CCDC178: variants seen among roughly 807,000 people sequenced by gnomAD.
CCDC178 encodes coiled-coil domain-containing protein 178.
CCDC178 carries 126 observed loss-of-function variants against 117.4 expected under a neutral mutation model. The observed-to-expected ratio is 1.07, with a 90% CI of 0.93 to 1.24. The LOEUF is 1.24. CCDC178 is among the 50% of genes most tolerant of loss of function. The pLI is 0.00. For synonymous variants in CCDC178, 283 were observed against 313.4 expected (o/e 0.90, Z 1.02); for missense variants, 1,030 against 986.9 (o/e 1.04, Z -0.59).
intron 16 of CCDC178, 126 bp from the exon 17 acceptor site, chr18:33,225,062 A>T: frequency 2.2e-6 from 1 of 462,046 alleles, no homozygotes; most frequent in Non-Finnish European, 3.5e-6. Flanking sequence ...AAATGTCACC[A>T]TAAAAAATGG....
chr18:32,960,461 G>GA (rs1312555099), intron 22 of CCDC178, among the ~76,000 whole-genome samples: 1 of 151,904 alleles, frequency 6.6e-6, no homozygotes, highest in African/African-American at 2.4e-5. Flanking sequence ...GTCAATATTT[G>GA]AAAAAAATAG....
chr18:33,350,709 A>G (rs931709214), intron 7 of CCDC178, among the ~76,000 whole-genome samples: 4 of 152,094 alleles, frequency 2.6e-5, no homozygotes, highest in African/African-American at 7.2e-5. Context: ...CCTTTTGGCT[A>G]TTGTGAATAT....
chr18:33,286,927 A>T (rs1411280370), intron 12 of CCDC178, among the ~76,000 whole-genome samples: 2 of 152,198 alleles, frequency 1.3e-5, no homozygotes, highest in Non-Finnish European at 2.9e-5. Flanking sequence ...GGGAGTAGAC[A>T]ATAAACATGG....
intron 11 of CCDC178, among the ~76,000 whole-genome samples, chr18:33,299,651 T>C (rs181143906): frequency 1.1e-3 from 169 of 151,958 alleles, no homozygotes; most frequent in African/African-American, 4.0e-3. Context: ...AAAAAGCTTC[T>C]GCACAGCAAA....
chr18:33,087,764 C>G (rs2057403096), intron 21 of CCDC178, among the ~76,000 whole-genome samples: 1 of 152,104 alleles, frequency 6.6e-6, no homozygotes, highest in African/African-American at 2.4e-5. Flanking sequence ...TATCAAAGCA[C>G]AGTTATATGG....
intron 20 of CCDC178, among the ~76,000 whole-genome samples, chr18:33,159,735 G>T (rs147316020): frequency 6.6e-6 from 1 of 152,036 alleles, no homozygotes; most frequent in Admixed American, 6.6e-5. Context: ...TGGTGATTAG[G>T]ATGCAGATAT....
At chr18:33,256,163 G>A (rs2059677470) in intron 14 of CCDC178, among the ~76,000 whole-genome samples, 1 of 152,036 alleles carries the variant, frequency 6.6e-6, no homozygotes. Flanking sequence ...TGCTAACTAT[G>A]TGTAATTTTT....
chr18:33,389,423 CAATT>C (rs1399334623), intron 5 of CCDC178, 113 bp downstream of exon 5: 1 of 399,198 alleles, frequency 2.5e-6, no homozygotes, highest in Non-Finnish European at 4.4e-6. Context: ...ACTATGTTAA[CAATT>C]AACGATATGT....
At chr18:33,035,909 T>C (rs1487700781) in intron 21 of CCDC178, among the ~76,000 whole-genome samples, 1 of 152,064 alleles carries the variant, frequency 6.6e-6, no homozygotes, top group African/African-American at 2.4e-5. Context: ...CTGACTTTTT[T>C]TAGTTTGATT....
At chr18:33,050,195 G>A (rs1598828140) in intron 21 of CCDC178, among the ~76,000 whole-genome samples, 1 of 152,170 alleles carries the variant, frequency 6.6e-6, no homozygotes, top group South Asian at 2.1e-4. Context: ...GCCTCTGTGG[G>A]AACATTATTT....
intron 22 of CCDC178, among the ~76,000 whole-genome samples, chr18:32,967,830 T>G: frequency 6.6e-6 from 1 of 151,644 alleles, no homozygotes; most frequent in East Asian, 1.9e-4. Flanking sequence ...CTAATTTAAT[T>G]GTGTTTGTAA....
chr18:33,283,004 G>A (rs1337128412), intron 12 of CCDC178, among the ~76,000 whole-genome samples: 2 of 152,118 alleles, frequency 1.3e-5, no homozygotes, highest in Admixed American at 6.5e-5. Context: ...TCCAGCAGGG[G>A]CCTCCTTCTC....
At chr18:32,962,521 G>A (rs1378076516) in intron 22 of CCDC178, among the ~76,000 whole-genome samples, 2 of 151,944 alleles carry the variant, frequency 1.3e-5, no homozygotes, top group Non-Finnish European at 2.9e-5. Context: ...TTTTTTCTGG[G>A]TAGAGAATTC....
chr18:33,055,222 C>T (rs973672814), intron 21 of CCDC178, among the ~76,000 whole-genome samples: 3 of 152,050 alleles, frequency 2.0e-5, no homozygotes, highest in Admixed American at 6.6e-5. Flanking sequence ...TGCAGGTTGT[C>T]TGTTCACTCT....
At chr18:33,416,091 C>A (rs926775124) in intron 2 of CCDC178, among the ~76,000 whole-genome samples, 1 of 152,164 alleles carries the variant, frequency 6.6e-6, no homozygotes, top group Non-Finnish European at 1.5e-5. Flanking sequence ...AGAGGGAATG[C>A]ATTTAGACAG....
intron 21 of CCDC178, among the ~76,000 whole-genome samples, chr18:33,072,027 G>A (rs980013766): frequency 4.6e-5 from 7 of 151,810 alleles, no homozygotes; most frequent in Non-Finnish European, 1.0e-4. Context: ...TACTCCACAG[G>A]AAATTCTTAA....
intron 15 of CCDC178, among the ~76,000 whole-genome samples, chr18:33,234,583 GAAAT>G (rs1599033578): frequency 6.6e-6 from 1 of 151,606 alleles, no homozygotes; most frequent in East Asian, 1.9e-4. Flanking sequence ...TAATTAAAAA[GAAAT>G]AAATTTTATC....
intron 15 of CCDC178, among the ~76,000 whole-genome samples, chr18:33,235,777 A>G (rs1462611614): frequency 2.0e-5 from 3 of 152,176 alleles, no homozygotes; most frequent in African/African-American, 7.2e-5. Context: ...TTTGGTTGCA[A>G]TGTCGCATTC....
At chr18:33,046,098 A>T (rs2056637678) in intron 21 of CCDC178, among the ~76,000 whole-genome samples, 1 of 152,184 alleles carries the variant, frequency 6.6e-6, no homozygotes, top group South Asian at 2.1e-4. Context: ...ATTTAGTAAG[A>T]TAGTAGATGA....
Sources: allele counts gnomAD v4.1 joint callset (sites outside exome capture counted in the v4.1 genomes callset), GRCh38; gene constraint gnomAD v4.1.1; transcripts MANE v1.5; gene names NCBI Gene and HGNC (gene_info 2026-07-23, HGNC 2026-07-21).